The following SIMC1 variants were observed in gnomAD, a reference collection of about 807,000 sequenced individuals.
The protein encoded by SIMC1 is SUMO-interacting motif-containing protein 1.
SIMC1 carries 55 observed loss-of-function variants against 82.3 expected under a neutral mutation model. That is an observed-to-expected ratio of 0.67 (90% confidence interval 0.54 to 0.84). The LOEUF is 0.84. SIMC1 is among the 40% of genes least tolerant of loss of function. The pLI, the probability that SIMC1 is intolerant of heterozygous loss-of-function variation, is 0.00. For synonymous variants in SIMC1, 353 were observed against 426.3 expected (o/e 0.83, Z 2.12); for missense variants, 915 against 1,107.2 (o/e 0.83, Z 2.46).
At chr5:176,274,946 A>T (rs978761807) in intron 1 of SIMC1, among the ~76,000 whole-genome samples, 1 of 151,800 alleles carries the variant, frequency 6.6e-6, no homozygotes, top group African/African-American at 2.4e-5. Flanking sequence ...CTTAGGATTG[A>T]CTTGGCGATG....
intron 4 of SIMC1, among the ~76,000 whole-genome samples, chr5:176,299,212 A>G (rs926445528): frequency 7.9e-5 from 12 of 152,218 alleles, no homozygotes; most frequent in African/African-American, 2.9e-4. Context: ...TAGACAACAT[A>G]GAAAGACTCT....
chr5:176,279,225 A>G (rs1762865309), intron 1 of SIMC1, among the ~76,000 whole-genome samples: 1 of 152,080 alleles, frequency 6.6e-6, no homozygotes, highest in Admixed American at 6.6e-5. Context: ...TAGATTTTCT[A>G]GTTTATTTGC....
Position 176,345,588 on chromosome 5 carries a change from T to C in SIMC1, c.*143T>C, listed in dbSNP as rs1766429983. The C allele has an allele frequency of 3.5e-6, 3 of 866,014 alleles. No individual in the cohort carries two copies. The highest frequency in any genetic ancestry group is 1.7e-6 in the Non-Finnish European group (1 of 597,858). 53.6% of individuals were successfully genotyped at this position (866,014 alleles called of 1,614,324 possible). The stretch of plus-strand genomic sequence containing the variant: ...ATCAGTAGGTTGTAATTTCTAACTC[T>C]AGTAAATATCTTTTTTTAAATAATC... On this transcript the variant is annotated 3_prime_UTR_variant, in exon 10 of 10. Transcript: ENST00000429602.
intron 7 of SIMC1, among the ~76,000 whole-genome samples, chr5:176,334,957 G>A (rs1765819214): frequency 6.6e-6 from 1 of 151,938 alleles, no homozygotes; most frequent in African/African-American, 2.4e-5. Flanking sequence ...TGGGCATGGT[G>A]GTGGGTGCCT....
intron 4 of SIMC1, chr5:176,308,603 G>A (rs973641541): frequency 5.1e-6 from 8 of 1,582,408 alleles, no homozygotes; most frequent in Non-Finnish European, 6.9e-6. Flanking sequence ...AGGCCCAAAA[G>A]AGTTCAGAGT....
intron 1 of SIMC1, among the ~76,000 whole-genome samples, chr5:176,260,295 T>G (rs956033462): frequency 1.3e-5 from 2 of 152,086 alleles, no homozygotes; most frequent in South Asian, 2.1e-4. Flanking sequence ...AAGAATGACT[T>G]TGGCGACTCG....
chr5:176,313,322 G>T, intron 4 of SIMC1: 1 of 1,467,310 alleles, frequency 6.8e-7, no homozygotes, highest in South Asian at 1.4e-5. Context: ...GGGAGAGATT[G>T]ACTTCCCATG....
chr5:176,292,237 T>C (rs1216053821), intron 2 of SIMC1, among the ~76,000 whole-genome samples: 1 of 152,166 alleles, frequency 6.6e-6, no homozygotes, highest in East Asian at 1.9e-4. Flanking sequence ...CTCCTTTCCA[T>C]TGGTCATCAT....
intron 1 of SIMC1, among the ~76,000 whole-genome samples, chr5:176,286,284 CAG>C (rs1214932770): frequency 6.6e-6 from 1 of 152,264 alleles, no homozygotes; most frequent in Non-Finnish European, 1.5e-5. Flanking sequence ...GGTACCAAAA[CAG>C]AGATATAGAG....
At chr5:176,287,938 G>C (rs1043372654) in intron 1 of SIMC1, among the ~76,000 whole-genome samples, 2 of 152,150 alleles carry the variant, frequency 1.3e-5, no homozygotes, top group African/African-American at 4.8e-5. Flanking sequence ...ATAGAGGAAG[G>C]GGTTAGTTTA....
At chr5:176,271,422 A>G (rs1219184550) in intron 1 of SIMC1, among the ~76,000 whole-genome samples, 1 of 152,188 alleles carries the variant, frequency 6.6e-6, no homozygotes, top group South Asian at 2.1e-4. Flanking sequence ...AAATAGAATC[A>G]ATAATTATTA....
chr5:176,318,606 A>T (rs1206945617), intron 5 of SIMC1, among the ~76,000 whole-genome samples: 1 of 152,080 alleles, frequency 6.6e-6, no homozygotes, highest in Admixed American at 6.6e-5. Context: ...TCATACCTTC[A>T]TTTAAGGAAT....
intron 7 of SIMC1, among the ~76,000 whole-genome samples, chr5:176,332,666 T>G (rs1765716458): frequency 6.6e-6 from 1 of 152,190 alleles, no homozygotes; most frequent in South Asian, 2.1e-4. Context: ...TGTTAAATAT[T>G]AAATAGTATT....
chr5:176,287,480 TG>T (rs2113247701), intron 1 of SIMC1, among the ~76,000 whole-genome samples: 1 of 152,160 alleles, frequency 6.6e-6, no homozygotes, highest in South Asian at 2.1e-4. Flanking sequence ...GGGCCTGTAG[TG>T]GGGTGGGTGG....
At chr5:176,244,182 C>A (rs1761359509) in intron 1 of SIMC1, among the ~76,000 whole-genome samples, 1 of 36,232 alleles carries the variant, frequency 2.8e-5, no homozygotes, top group Non-Finnish European at 5.4e-5. Context: ...ATGTGGATAA[C>A]AAGGGAAAGG....
chr5:176,334,087 T>C (rs1369814025), intron 7 of SIMC1, among the ~76,000 whole-genome samples: 1 of 152,198 alleles, frequency 6.6e-6, no homozygotes, highest in African/African-American at 2.4e-5. Flanking sequence ...TTTATAATAG[T>C]TGTCTAAAAG....
chr5:176,252,983 T>A (rs1198215579), intron 1 of SIMC1, among the ~76,000 whole-genome samples: 1 of 152,056 alleles, frequency 6.6e-6, no homozygotes, highest in Non-Finnish European at 1.5e-5. Flanking sequence ...ACCAAAAAAA[T>A]ACGAAAACCA....
chr5:176,276,532 G>A (rs1269519496), intron 1 of SIMC1, among the ~76,000 whole-genome samples: 1 of 148,320 alleles, frequency 6.7e-6, no homozygotes, highest in African/African-American at 2.5e-5. Context: ...GTGCTGTGCT[G>A]GTGCGCTGCA....
At chr5:176,280,512 T>A (rs1235140898) in intron 1 of SIMC1, among the ~76,000 whole-genome samples, 2 of 152,310 alleles carry the variant, frequency 1.3e-5, no homozygotes, top group East Asian at 3.9e-4. Flanking sequence ...CGTTAGTTGA[T>A]GCAGTTTCTT....
Sources: gnomAD v4.1 joint callset for allele counts (sites outside exome capture counted in the v4.1 genomes callset) on GRCh38, gnomAD v4.1.1 for gene constraint, MANE v1.5 for transcripts, NCBI Gene and HGNC (gene_info 2026-07-23, HGNC 2026-07-21) for gene names.